The following AHCTF1 variants were observed in gnomAD, a reference collection of about 807,000 sequenced individuals.
AHCTF1 encodes the protein AT-hook containing transcription factor 1.
A neutral mutation model predicts 248.4 loss-of-function variants in AHCTF1; 24 were observed. That is an observed-to-expected ratio of 0.10 (90% CI 0.07 to 0.14). AHCTF1 has a LOEUF of 0.14. Among genes scored for constraint, AHCTF1 ranks in the 10% least tolerant of loss-of-function variants. The pLI is 1.00. For synonymous variants in AHCTF1, 786 were observed against 929.8 expected (o/e 0.85, Z 2.81); for missense variants, 2,206 against 2,636.2 (o/e 0.84, Z 3.57).
chr1:246,886,906 T>C (rs927259558), intron 20 of AHCTF1, among the ~76,000 whole-genome samples: 3 of 152,214 alleles, frequency 2.0e-5, no homozygotes, highest in Non-Finnish European at 4.4e-5. Context: ...GGCCAAATCT[T>C]GCCTTCCATG....
intron 33 of AHCTF1, among the ~76,000 whole-genome samples, chr1:246,844,407 A>C (rs747933406): frequency 6.6e-6 from 1 of 152,230 alleles, no homozygotes; most frequent in Non-Finnish European, 1.5e-5. Flanking sequence ...AGCCAAAGGA[A>C]CAGAAAAGTT....
intron 7 of AHCTF1, 21 bp downstream of exon 7, chr1:246,903,928 C>G: frequency 6.4e-7 from 1 of 1,561,650 alleles, no homozygotes; most frequent in Non-Finnish European, 8.8e-7. Context: ...AATATAAACC[C>G]ATAGTCCAAT....
intron 29 of AHCTF1, among the ~76,000 whole-genome samples, chr1:246,858,577 C>A (rs967630673): frequency 6.6e-6 from 1 of 152,100 alleles, no homozygotes; most frequent in African/African-American, 2.4e-5. Flanking sequence ...TACCTGTAAT[C>A]CCAGCACTCT....
At chr1:246,904,402 A>G (rs535190603) in intron 6 of AHCTF1, among the ~76,000 whole-genome samples, 2 of 152,290 alleles carry the variant, frequency 1.3e-5, no homozygotes, top group African/African-American at 4.8e-5. Flanking sequence ...TAAGTGCAGT[A>G]CCCTGTGGTA....
intron 4 of AHCTF1, among the ~76,000 whole-genome samples, chr1:246,911,034 T>C (rs1665762822): frequency 6.6e-6 from 1 of 152,224 alleles, no homozygotes; most frequent in South Asian, 2.1e-4. Flanking sequence ...TATTTTGCAT[T>C]AAACCCTAAA....
chr1:246,916,864 T>G (rs1666186373), intron 2 of AHCTF1, among the ~76,000 whole-genome samples: 1 of 152,210 alleles, frequency 6.6e-6, no homozygotes, highest in Non-Finnish European at 1.5e-5. Flanking sequence ...TACTAAGGCT[T>G]AAACGATTTA....
chr1:246,868,907 T>A (rs372869333), intron 24 of AHCTF1, among the ~76,000 whole-genome samples: 1 of 149,504 alleles, frequency 6.7e-6, no homozygotes, highest in Admixed American at 6.7e-5. Flanking sequence ...TGCAGTGGTG[T>A]GATCTCGGCT....
chr1:246,868,891 T>TGGA (rs1662268499), intron 24 of AHCTF1, among the ~76,000 whole-genome samples: 1 of 148,466 alleles, frequency 6.7e-6, no homozygotes, highest in Admixed American at 6.7e-5. Context: ...GTCACCCAGG[T>TGGA]TGGAGTGCAG....
intron 14 of AHCTF1, among the ~76,000 whole-genome samples, chr1:246,892,397 T>G (rs755592653): frequency 7.5e-6 from 1 of 132,496 alleles, no homozygotes; most frequent in Non-Finnish European, 1.5e-5. Context: ...CTCCGCTCAC[T>G]GCAACCTCTA....
In AHCTF1 at chr1:246,849,816, C is replaced by G; in HGVS notation, c.6190G>C (p.Val2064Leu). ...ATTTCATCTGTGCGTTCTTCTGATACTGAGTGCAATGAACGTTTTTGGCTT... is the reference window on the plus strand; with the variant it reads ...ATTTCATCTGTGCGTTCTTCTGATAGTGAGTGCAATGAACGTTTTTGGCTT... Reference protein sequence around the residue: ...SQSQKRSLHSVSEERTDEMTH... With the variant: ...SQSQKRSLHSLSEERTDEMTH... Residue 2064 changes from valine to leucine, a missense_variant, in exon 33 of 36, where the codon GTA (valine) becomes CTA (leucine). Transcript: ENST00000648844. 1 of 1,613,984 alleles carries G rather than the reference C, an allele frequency of 6.2e-7. No individual in the cohort carries two copies. Among genetic ancestry groups the G allele is most frequent in the South Asian group, 1.1e-5 (1 of 91,082 alleles).
chr1:246,925,598 C>T (rs979062955), intron 1 of AHCTF1, among the ~76,000 whole-genome samples: 2 of 152,240 alleles, frequency 1.3e-5, no homozygotes. Context: ...CCAGCCTGGG[C>T]AAGATCCTGT....
intron 27 of AHCTF1, 102 bp from the exon 28 acceptor site, chr1:246,862,255 C>T (rs61853996): frequency 5.9e-5 from 43 of 731,690 alleles, no homozygotes; most frequent in South Asian, 5.1e-4. Flanking sequence ...CAGAGGCAGG[C>T]GGATCACCAG....
rs1659756569 is a variant in AHCTF1 at position 246,840,184 on chromosome 1, G to A, written c.*622C>T. ...AATTAAGACTTTAAAGAGCCTTTAA[G>A]CTTGCCGAATAAGAGATGCCAACAT... On this transcript the variant is annotated 3_prime_UTR_variant, in exon 36 of 36. Transcript: ENST00000648844. 1 of 152,570 alleles carries A rather than the reference G, an allele frequency of 6.6e-6. No individual in the cohort carries two copies. Among genetic ancestry groups the A allele is most frequent in the Admixed American group, 6.6e-5 (1 of 15,266 alleles). The allele number at this position is 152,570 out of a possible 1,614,324, so 9.5% of individuals were successfully genotyped here.
intron 24 of AHCTF1, among the ~76,000 whole-genome samples, chr1:246,869,233 T>C (rs922303619): frequency 6.6e-6 from 1 of 152,116 alleles, no homozygotes; most frequent in Non-Finnish European, 1.5e-5. Context: ...AGCGTGTACT[T>C]ACTCCACTGA....
intron 15 of AHCTF1, 25 bp from the exon 16 acceptor site, chr1:246,891,085 T>G: frequency 6.8e-7 from 1 of 1,461,642 alleles, no homozygotes; most frequent in Non-Finnish European, 9.1e-7. Context: ...TAACATCAGT[T>G]GTTTACTTAC....
Position 246,867,399 on chromosome 1 carries a change from T to C in AHCTF1, c.3240-48A>G, listed in dbSNP as rs138777471. ...TCTGATGTATCACAAGGAGCACTGA[T>C]AACAAGTGGATGAGATGGGAGAACA... On this transcript the variant is annotated intron_variant, in intron 25 of 35. Coordinates refer to ENST00000648844, the MANE Select transcript of AHCTF1 (RefSeq NM_001323342.2). 7.9e-6 allele frequency: 10 copies of C among 1,270,412 alleles called. No homozygotes were observed. The East Asian group carries it at 1.0e-4, about 13-fold the overall frequency. The allele number at this position is 1,270,412 out of a possible 1,614,324, so 78.7% of individuals were successfully genotyped here.
rs1414761384 is a variant in AHCTF1 at position 246,855,672 on chromosome 1, ACT to A, written c.4354+56_4354+57del. 5.2e-6 allele frequency: 7 copies of A among 1,337,500 alleles called. No individual in the cohort carries two copies. In the African/African-American group the frequency reaches 7.4e-5, roughly 14 times the overall value. 82.9% of individuals were successfully genotyped at this position (1,337,500 alleles called of 1,614,324 possible). On this transcript the variant is annotated intron_variant, in intron 31 of 35. Transcript: ENST00000648844. ...GATTATTTTGTTCTAAGAACAGAAAACTCTTCACTCAAAACACAAAAATGGAA... is the reference window on the plus strand; with the variant it reads ...GATTATTTTGTTCTAAGAACAGAAAACTTCACTCAAAACACAAAAATGGAA...
chr1:246,876,899 C>G (rs1388161244), intron 23 of AHCTF1, 51 bp downstream of exon 23: 6 of 1,592,026 alleles, frequency 3.8e-6, no homozygotes, highest in Non-Finnish European at 5.1e-6. Context: ...AAAAAAGCCT[C>G]CAGTTTTCCT....
At chr1:246,862,353 G>A (rs185922053) in intron 27 of AHCTF1, among the ~76,000 whole-genome samples, 200 bp from the exon 28 acceptor site, 4,778 of 152,034 alleles carry the variant, frequency 0.031, 271 homozygotes, top group African/African-American at 0.11. Context: ...GGTGGCGGGC[G>A]CCTGTAGTCC....
Sources: allele counts gnomAD v4.1 joint callset (sites outside exome capture counted in the v4.1 genomes callset), GRCh38; gene constraint gnomAD v4.1.1; transcripts MANE v1.5; gene names NCBI Gene and HGNC (gene_info 2026-07-23, HGNC 2026-07-21).